SVOPL: variants seen among roughly 807,000 people sequenced by gnomAD.
SVOPL encodes the protein putative transporter SVOPL.
A neutral mutation model predicts 61.0 loss-of-function variants in SVOPL; 60 were observed. The observed-to-expected ratio is 0.98, with a 90% CI of 0.80 to 1.22. The LOEUF (loss-of-function observed/expected upper bound fraction) is 1.22. Among genes scored for constraint, SVOPL ranks in the 50% most tolerant of loss-of-function variants. The pLI, the probability that SVOPL is intolerant of heterozygous loss-of-function variation, is 0.00. For synonymous variants in SVOPL, 279 were observed against 250.0 expected (o/e 1.12, Z -1.09); for missense variants, 662 against 643.9 (o/e 1.03, Z -0.30).
intron 4 of SVOPL, among the ~76,000 whole-genome samples, chr7:138,665,472 C>T (rs1384477047): frequency 6.6e-6 from 1 of 151,876 alleles, no homozygotes; most frequent in Non-Finnish European, 1.5e-5. Context: ...GAGAGTTCAG[C>T]TGCTTAGAGA....
At chr7:138,634,504 C>T (rs1473181579) in intron 9 of SVOPL, among the ~76,000 whole-genome samples, 5 of 149,792 alleles carry the variant, frequency 3.3e-5, no homozygotes, top group Non-Finnish European at 5.9e-5. Flanking sequence ...AAAAATTAGC[C>T]AGGTGTGGTG....
At chr7:138,636,220 G>A (rs1800461354) in intron 9 of SVOPL, among the ~76,000 whole-genome samples, 1 of 151,956 alleles carries the variant, frequency 6.6e-6, no homozygotes, top group African/African-American at 2.4e-5. Flanking sequence ...GAGCCACTGG[G>A]CCCGGCTGAA....
At position 138,679,017 on chromosome 7, in the gene SVOPL, G is replaced by A. The variant is rs369004741; in HGVS notation, c.29C>T (p.Thr10Met). The A allele has an allele frequency of 1.6e-5, 25 of 1,551,482 alleles. No homozygotes were observed. Among genetic ancestry groups the A allele is most frequent in the South Asian group, 2.4e-5 (2 of 84,050 alleles). The change falls in exon 2 of 16, where the codon ACG becomes ATG. Residue 10 changes from threonine (T) to methionine (M), a missense_variant. By Grantham distance (81) the Thr-to-Met change is moderately conservative (BLOSUM62 -1). Transcript: ENST00000674285. The part of the protein sequence containing the change: MATKPTEPV[T>M]ILSLRKLSLG... The stretch of plus-strand genomic sequence containing the variant: ...GCTCAATTTCCGAAGGCTGAGGATC[G>A]TGACAGGCTCTGTTGGCTTGGTTGC...
chr7:138,693,533 G>GAAAGAAAGAAAGAA, intron 1 of SVOPL, among the ~76,000 whole-genome samples: 1 of 42,678 alleles, frequency 2.3e-5, no homozygotes, highest in African/African-American at 1.3e-4. Context: ...GAAAGAAAAA[G>GAAAGAAAGAAAGAA]AAAGAAAGAA....
intron 3 of SVOPL, among the ~76,000 whole-genome samples, chr7:138,673,895 C>G (rs1299004732): frequency 6.6e-6 from 1 of 152,030 alleles, no homozygotes; most frequent in East Asian, 1.9e-4. Flanking sequence ...TTAAAGACAA[C>G]CAGGACTGAC....
At chr7:138,681,472 G>A (rs74959014) in intron 1 of SVOPL, among the ~76,000 whole-genome samples, 31,212 of 151,790 alleles carry the variant, frequency 0.21, 3,445 homozygotes, top group Middle Eastern at 0.32. Context: ...GCATCTTGTC[G>A]TAGCCTATAG....
chr7:138,631,634 T>C (rs1800195031), intron 9 of SVOPL, among the ~76,000 whole-genome samples: 1 of 152,078 alleles, frequency 6.6e-6, no homozygotes, highest in Non-Finnish European at 1.5e-5. Context: ...AATGGCGTGA[T>C]CTTGGCTCAC....
At chr7:138,692,081 C>A (rs752185431) in intron 1 of SVOPL, among the ~76,000 whole-genome samples, 2 of 151,844 alleles carry the variant, frequency 1.3e-5, no homozygotes, top group African/African-American at 4.8e-5. Flanking sequence ...GAGGCCGAGG[C>A]GGGTGGATCA....
At chr7:138,652,196 T>C (rs917163311) in intron 7 of SVOPL, among the ~76,000 whole-genome samples, 1 of 151,968 alleles carries the variant, frequency 6.6e-6, no homozygotes, top group African/African-American at 2.4e-5. Flanking sequence ...GGATTACAGG[T>C]GCCTGGCACC....
chr7:138,660,813 A>G, intron 5 of SVOPL: 1 of 977,186 alleles, frequency 1.0e-6, no homozygotes, highest in South Asian at 4.7e-5. Flanking sequence ...AATAATAATG[A>G]TATATTAACA....
chr7:138,664,705 CT>C (rs1802178140), intron 4 of SVOPL, among the ~76,000 whole-genome samples: 1 of 151,480 alleles, frequency 6.6e-6, no homozygotes, highest in African/African-American at 2.4e-5. Flanking sequence ...GGGCGCACCC[CT>C]GATCCTCCAT....
At chr7:138,618,388 C>T (rs368082975) in intron 14 of SVOPL, among the ~76,000 whole-genome samples, 2 of 151,846 alleles carry the variant, frequency 1.3e-5, no homozygotes, top group Non-Finnish European at 2.9e-5. Context: ...AGGCTGGGCA[C>T]GGTGGCTCAC....
At chr7:138,699,613 A>C (rs188561964) in intron 1 of SVOPL, among the ~76,000 whole-genome samples, 1 of 152,340 alleles carries the variant, frequency 6.6e-6, no homozygotes, top group East Asian at 1.9e-4. Context: ...GGCACGACAA[A>C]ATGGATACTT....
chr7:138,629,900 T>C (rs1800095307), intron 10 of SVOPL, 149 bp downstream of exon 10: 1 of 639,994 alleles, frequency 1.6e-6, no homozygotes, highest in African/African-American at 1.8e-5. Flanking sequence ...GTGGTGGTGT[T>C]TGTAGAAAGA....
intron 7 of SVOPL, among the ~76,000 whole-genome samples, chr7:138,655,491 G>A (rs1365701717): frequency 6.6e-6 from 1 of 151,960 alleles, no homozygotes; most frequent in East Asian, 1.9e-4. Flanking sequence ...GGCAACAAGA[G>A]CGAAACTCCA....
At chr7:138,700,090 T>A (rs1006660755) in intron 1 of SVOPL, among the ~76,000 whole-genome samples, 2 of 152,148 alleles carry the variant, frequency 1.3e-5, no homozygotes, top group African/African-American at 4.8e-5. Context: ...GGAAAGGGGC[T>A]TACTCTCCAA....
intron 14 of SVOPL, 186 bp from the exon 15 acceptor site, chr7:138,596,716 T>C: frequency 7.6e-7 from 1 of 1,311,438 alleles, no homozygotes; most frequent in Non-Finnish European, 9.7e-7. Flanking sequence ...GTGTGATTAG[T>C]CCAAGAACAG....
At chr7:138,637,467 TAGATATAGATATAG>T (rs1247617846) in intron 9 of SVOPL, among the ~76,000 whole-genome samples, 1,049 of 30,674 alleles carry the variant, frequency 0.034, 10 homozygotes, top group Middle Eastern at 0.067. Flanking sequence ...TATATATATA[TAGATATAGATATAG>T]ATATAGATAG....
chr7:138,693,145 A>T (rs1233487508), intron 1 of SVOPL, among the ~76,000 whole-genome samples: 1 of 152,210 alleles, frequency 6.6e-6, no homozygotes, highest in Non-Finnish European at 1.5e-5. Context: ...TAAACCAAGA[A>T]ATAAAGTATA....
Sources: gnomAD v4.1 joint callset for allele counts (sites outside exome capture counted in the v4.1 genomes callset) on GRCh38, gnomAD v4.1.1 for gene constraint, MANE v1.5 for transcripts, NCBI Gene and HGNC (gene_info 2026-07-23, HGNC 2026-07-21) for gene names.